Variants in TBATA observed in about 807,000 individuals in gnomAD.
TBATA encodes the protein thymus, brain and testes associated.
A neutral mutation model predicts 38.7 loss-of-function variants in TBATA; 47 were observed. That is an observed-to-expected ratio of 1.21 (90% CI 0.96 to 1.55). The LOEUF is 1.55. TBATA is among the 40% of genes most tolerant of loss of function. The probability of loss-of-function intolerance (pLI) is 0.00; values close to 1 mark genes in which losing one functional copy is unlikely to be tolerated. For missense variants in TBATA, 436 were observed against 435.6 expected (o/e 1.00, Z -0.01); for synonymous variants, 183 against 170.5 (o/e 1.07, Z -0.57).
At chr10:70,775,095 G>T (rs562011193) in intron 8 of TBATA, 94 bp downstream of exon 8, 22 of 1,230,138 alleles carry the variant, frequency 1.8e-5, no homozygotes, top group Middle Eastern at 2.1e-4. Flanking sequence ...TCCAGGGTGG[G>T]AGCTGAGGGA....
intron 4 of TBATA, among the ~76,000 whole-genome samples, chr10:70,780,006 C>T (rs1364165531): frequency 1.3e-5 from 2 of 152,208 alleles, no homozygotes; most frequent in Non-Finnish European, 2.9e-5. Flanking sequence ...AGAACTTAGG[C>T]TTCCTGGGCC....
At chr10:70,775,406 C>T in intron 7 of TBATA, 136 bp from the exon 8 acceptor site, 1 of 663,734 alleles carries the variant, frequency 1.5e-6, no homozygotes, top group East Asian at 2.7e-5. Flanking sequence ...AAACGTGTTC[C>T]CACAAGGGTC....
At chr10:70,781,721 G>A (rs891756811) in intron 4 of TBATA, 80 bp downstream of exon 4, 70 of 1,338,734 alleles carry the variant, frequency 5.2e-5, no homozygotes, top group Non-Finnish European at 6.8e-5. Flanking sequence ...GAAATGGGCT[G>A]CCATCAATTC....
intron 5 of TBATA, among the ~76,000 whole-genome samples, chr10:70,779,204 C>A (rs543656159): frequency 6.6e-6 from 1 of 152,362 alleles, no homozygotes; most frequent in East Asian, 1.9e-4. Context: ...GCAGAGACCT[C>A]TGAAACGCCA....
chr10:70,777,469 G>A (rs565017937), intron 6 of TBATA, 131 bp from the exon 7 acceptor site: 46 of 817,418 alleles, frequency 5.6e-5, no homozygotes, highest in African/African-American at 3.6e-4. Flanking sequence ...GCATCACAGC[G>A]TTGCCAGGGT....
chr10:70,772,201 C>A (rs1382189017), intron 10 of TBATA: 4 of 561,486 alleles, frequency 7.1e-6, no homozygotes, highest in African/African-American at 5.6e-5. Context: ...CCTTGTTATT[C>A]TCCTTACAGT....
At position 70,772,532 on chromosome 10, in the gene TBATA, T is replaced by C. The variant is rs372420502; in HGVS notation, c.955A>G (p.Thr319Ala). Residue 319 changes from threonine to alanine, a missense_variant, in exon 10 of 11, where the codon ACA becomes GCA. Transcript: ENST00000456372. ...SPKKTKISPF[T>A]KSEKPEYIGE... is the part of the protein sequence containing the mutation. ...ATCTTACCTGGTTTTTCGCTTTTTG[T>C]AAAAGGTGATATCTTCGTTTTCTTC... 1 of 1,614,020 alleles carries C rather than the reference T, an allele frequency of 6.2e-7. No homozygotes were observed. The highest frequency in any genetic ancestry group is 1.3e-5 in the African/African-American group (1 of 74,910).
At chr10:70,785,206 CACAA>C (rs1485798754) in intron 1 of TBATA, 75 bp downstream of exon 1, 1 of 152,730 alleles carries the variant, frequency 6.5e-6, no homozygotes, top group Non-Finnish European at 1.5e-5. Flanking sequence ...TCAATCCAGC[CACAA>C]AACTTCCCTT....
At chr10:70,773,464 G>GTCC (rs1564574133) in intron 9 of TBATA, among the ~76,000 whole-genome samples, 1 of 7,076 alleles carries the variant, frequency 1.4e-4, no homozygotes, top group South Asian at 0.012. Flanking sequence ...TAAAAATACA[G>GTCC]GCCCCCCCGG....
Position 70,771,434 on chromosome 10 carries a change from TG to T in TBATA, c.1000del (p.Gln334ArgfsTer23), listed in dbSNP as rs1842783905. ...CTCTGTGTTCTGGCTTGAATGCATC[TG>T]GAGGACTTGAGCTTCTCCAATGTAC... ...PEYIGEAQVL[Q>X]MHSSQNTEKK... is the part of the protein sequence containing the mutation. On this transcript the variant is annotated frameshift_variant, in exon 11 of 11. Transcript: ENST00000456372. LOFTEE classifies it low-confidence loss of function (END_TRUNC). The T allele has an allele frequency of 1.9e-6, 3 of 1,614,112 alleles. No individual in the cohort carries two copies. The highest frequency in any genetic ancestry group is 2.2e-5 in the East Asian group (1 of 44,870).
intron 4 of TBATA, among the ~76,000 whole-genome samples, chr10:70,781,137 C>T (rs1844161266): frequency 6.6e-6 from 1 of 152,196 alleles, no homozygotes; most frequent in African/African-American, 2.4e-5. Flanking sequence ...CTTGCTGCTG[C>T]TCCAACAGAG....
Position 70,783,353 on chromosome 10 carries a change from A to G in TBATA, c.27T>C (p.Asp9=). Residue 9 remains aspartate (D), a synonymous_variant, in exon 3 of 11, where the codon GAT becomes GAC. Transcript: ENST00000456372. MATDVQLA[D]YPLMSPKAEL... ...TGGAGCCTCACCTCATCAGTGGATA[A>G]TCAGCCAATTGAACATCTGTAGCCA... 6.2e-7 allele frequency: 1 copy of G among 1,614,192 alleles called. No homozygotes were observed. Among genetic ancestry groups the G allele is most frequent in the Non-Finnish European group, 8.5e-7 (1 of 1,180,020 alleles).
intron 10 of TBATA, among the ~76,000 whole-genome samples, chr10:70,771,962 C>T (rs969657337): frequency 6.6e-6 from 1 of 152,140 alleles, no homozygotes; most frequent in Non-Finnish European, 1.5e-5. Flanking sequence ...CACACCTGGC[C>T]TTTACCGCAG....
In TBATA at chr10:70,779,687, C is replaced by T; in HGVS notation, c.333G>A (p.Glu111=). 6.5e-7 allele frequency: 1 copy of T among 1,539,188 alleles called. No individual in the cohort carries two copies. The change falls in exon 5 of 11, where the codon GAG becomes GAA. Residue 111 remains glutamate (E), a synonymous_variant. Transcript: ENST00000456372. ...VVRDFPAPLP[E]STVFSGCQMG... ...TTTGACAGCCGGAAAAGACAGTTGA[C>T]TCAGGCAAGGGGGCTGGAAAATCCC...
rs769441796 is a variant in TBATA at position 70,777,196 on chromosome 10, T to C, written c.650A>G (p.His217Arg). The C allele has an allele frequency of 5.0e-6, 8 of 1,613,338 alleles. 1 individual carries two copies. Among genetic ancestry groups the C allele is most frequent in the South Asian group, 3.3e-5 (3 of 91,092 alleles). ...QGQQSQSSSR[H>R]EGVQAFLLQD... ...AAGGAGGAAAGCCTGGACTCCTTCATGTCTGCTGGAAGACTGACTCTGCTG... is the reference window on the plus strand; with the variant it reads ...AAGGAGGAAAGCCTGGACTCCTTCACGTCTGCTGGAAGACTGACTCTGCTG... Residue 217 changes from histidine to arginine, a missense_variant, in exon 7 of 11, where the codon CAT (histidine) becomes CGT (arginine). Transcript: ENST00000456372.
chr10:70,783,577 T>A, intron 2 of TBATA, 52 bp from the exon 3 acceptor site: 1 of 557,770 alleles, frequency 1.8e-6, no homozygotes, highest in Non-Finnish European at 3.2e-6. Flanking sequence ...TTGCATGCTG[T>A]ATCACCCAGC....
rs2131780602 is a variant in TBATA, at chr10:70,783,402, A to C, written c.-23T>G. The C allele has an allele frequency of 6.2e-7, 1 of 1,613,948 alleles. No homozygotes were observed. Among genetic ancestry groups the C allele is most frequent in the South Asian group, 1.1e-5 (1 of 91,078 alleles). On this transcript the variant is annotated 5_prime_UTR_variant, in exon 3 of 11. Transcript: ENST00000456372. ...CATTGTATGCTTTTTAACAGACTAAAGGCCAGTGCACTTAATACTAGCGTT... is the reference window on the plus strand; with the variant it reads ...CATTGTATGCTTTTTAACAGACTAACGGCCAGTGCACTTAATACTAGCGTT...
chr10:70,782,566 C>G (rs1326590819), intron 3 of TBATA: 9 of 985,350 alleles, frequency 9.1e-6, no homozygotes, highest in Admixed American at 6.1e-5. Flanking sequence ...ACCAGACCAG[C>G]AAGTTCTGTT....
intron 5 of TBATA, among the ~76,000 whole-genome samples, 188 bp downstream of exon 5, chr10:70,779,405 C>T (rs1293121657): frequency 6.6e-6 from 1 of 152,230 alleles, no homozygotes; most frequent in Non-Finnish European, 1.5e-5. Context: ...CTGGCTAGGA[C>T]TTGCTGGGTG....
Sources: gnomAD v4.1 joint callset for allele counts (sites outside exome capture counted in the v4.1 genomes callset) on GRCh38, gnomAD v4.1.1 for gene constraint, MANE v1.5 for transcripts, NCBI Gene and HGNC (gene_info 2026-07-23, HGNC 2026-07-21) for gene names.